The following PCDHA11 variants were observed in gnomAD, a reference collection of about 807,000 sequenced individuals.
PCDHA11 encodes protocadherin alpha-11.
In PCDHA11, 61 loss-of-function variants were observed where a neutral mutation model predicts 70.3. The observed-to-expected ratio is 0.87, with a 90% CI of 0.71 to 1.07. PCDHA11 has a LOEUF of 1.07. PCDHA11 is among the 50% of genes least tolerant of loss of function. The pLI is 0.00. For synonymous variants in PCDHA11, 633 were observed against 555.1 expected (o/e 1.14, Z -1.97); for missense variants, 1,324 against 1,237.5 (o/e 1.07, Z -1.05).
At chr5:140,913,451 T>G (rs1201347326) in intron 1 of PCDHA11, among the ~76,000 whole-genome samples, 1 of 152,160 alleles carries the variant, frequency 6.6e-6, no homozygotes, top group East Asian at 1.9e-4. Context: ...CAGCTCCGAT[T>G]TTATTTACTT....
intron 1 of PCDHA11, chr5:140,883,596 T>C: frequency 1.2e-6 from 2 of 1,613,794 alleles, no homozygotes; most frequent in East Asian, 4.5e-5. Context: ...AGCGTGTCGG[T>C]GGGGGTGGCC....
At chr5:140,890,629 A>G (rs6883083) in intron 1 of PCDHA11, among the ~76,000 whole-genome samples, 2 of 152,158 alleles carry the variant, frequency 1.3e-5, no homozygotes, top group Admixed American at 1.3e-4. Context: ...AAAATTAAGC[A>G]TGTATCCTTG....
At chr5:140,966,730 C>T in intron 1 of PCDHA11, 1 of 1,405,456 alleles carries the variant, frequency 7.1e-7, no homozygotes, top group Non-Finnish European at 9.2e-7. Context: ...CTGCCGCCTC[C>T]GGCCCTGCCC....
intron 1 of PCDHA11, among the ~76,000 whole-genome samples, chr5:140,905,490 T>C (rs1256863992): frequency 1.3e-5 from 2 of 152,224 alleles, no homozygotes; most frequent in African/African-American, 4.8e-5. Context: ...TTTCTTCTTT[T>C]TGTTTTGTAT....
At position 140,869,933 on chromosome 5, in the gene PCDHA11, T is replaced by A; in HGVS notation, c.830T>A (p.Val277Glu). The A allele has an allele frequency of 6.2e-7, 1 of 1,611,316 alleles. No homozygotes were observed. The highest frequency in any genetic ancestry group is 8.5e-7 in the Non-Finnish European group (1 of 1,178,664). The change falls in exon 1 of 4, where the codon GTA becomes GAA. Residue 277 changes from valine to glutamate, a missense_variant. By Grantham distance (121) the Val-to-Glu change is moderately radical (BLOSUM62 -2). Transcript: ENST00000398640. ...CGAGACGAAGGAGTCAATGGAGAGG[T>A]AACATACTCCTTAATGTCAATTAAG... ...TDRDEGVNGE[V>E]TYSLMSIKPN...
intron 1 of PCDHA11, among the ~76,000 whole-genome samples, chr5:140,911,789 G>A (rs1399185754): frequency 6.6e-6 from 1 of 152,024 alleles, no homozygotes; most frequent in Non-Finnish European, 1.5e-5. Flanking sequence ...GCATTTTTGG[G>A]TCTAATCATA....
At chr5:140,988,860 T>C (rs1270376752) in intron 3 of PCDHA11, 2 of 152,204 alleles carry the variant, frequency 1.3e-5, no homozygotes, top group South Asian at 2.1e-4. Flanking sequence ...TCCAGTCTCA[T>C]GTGCACTCAG....
intron 1 of PCDHA11, among the ~76,000 whole-genome samples, chr5:140,950,294 C>T (rs1396440202): frequency 6.6e-6 from 1 of 151,970 alleles, no homozygotes; most frequent in African/African-American, 2.4e-5. Context: ...ACCTGAAAAA[C>T]TTTACTTAGC....
chr5:140,911,420 C>T (rs1411930717), intron 1 of PCDHA11, among the ~76,000 whole-genome samples: 1 of 152,134 alleles, frequency 6.6e-6, no homozygotes, highest in Non-Finnish European at 1.5e-5. Context: ...ATGATAAGAA[C>T]TTGTGTCCAA....
chr5:140,973,812 G>A (rs897592585), intron 1 of PCDHA11, among the ~76,000 whole-genome samples: 10 of 152,236 alleles, frequency 6.6e-5, no homozygotes, highest in Admixed American at 6.5e-4. Context: ...TGACAGAATA[G>A]CAAAGTCAGT....
chr5:140,943,274 A>AAAAG (rs1349019397), intron 1 of PCDHA11, among the ~76,000 whole-genome samples: 1 of 141,284 alleles, frequency 7.1e-6, no homozygotes, highest in Admixed American at 7.3e-5. Context: ...AAAAAAAAAA[A>AAAAG]AAAGAAAGAA....
At chr5:140,904,110 T>C (rs556511949) in intron 1 of PCDHA11, among the ~76,000 whole-genome samples, 2 of 152,218 alleles carry the variant, frequency 1.3e-5, no homozygotes, top group Non-Finnish European at 2.9e-5. Context: ...TGGTCATTGC[T>C]GAGATTTTGG....
At position 140,924,046 on chromosome 5, in the gene PCDHA11, C is replaced by T. The variant is rs59270862; in HGVS notation, c.2391+52552C>T. Among the ~76,000 whole-genome samples, 1,259 of 152,276 alleles carry T rather than the reference C, an allele frequency of 8.3e-3. 10 individuals are homozygous for T. The highest frequency in any genetic ancestry group is 0.029 in the African/African-American group (1,206 of 41,556). ...AGGCATGGCTGCAGACCTAAAAGTT[C>T]GGTACATCTTTACAGTTGTATTTCA... is the stretch of plus-strand genomic sequence containing the variant. On this transcript the variant is annotated intron_variant, in intron 1 of 3. Coordinates refer to ENST00000398640, the MANE Select transcript of PCDHA11 (RefSeq NM_018902.5).
intron 1 of PCDHA11, among the ~76,000 whole-genome samples, chr5:140,901,039 A>G (rs1317910770): frequency 4.6e-5 from 7 of 152,086 alleles, no homozygotes; most frequent in Non-Finnish European, 8.8e-5. Flanking sequence ...TCTTTTGCCC[A>G]TTTTAAAATT....
At chr5:140,924,477 T>C (rs1378646713) in intron 1 of PCDHA11, among the ~76,000 whole-genome samples, 1 of 152,230 alleles carries the variant, frequency 6.6e-6, no homozygotes, top group Admixed American at 6.5e-5. Context: ...AACTGGTTTT[T>C]AGTGGAACAC....
chr5:140,938,679 T>C (rs574212689), intron 1 of PCDHA11, among the ~76,000 whole-genome samples: 1 of 152,302 alleles, frequency 6.6e-6, no homozygotes, highest in South Asian at 2.1e-4. Flanking sequence ...CCTAACATTT[T>C]CTTTACAGTT....
At chr5:140,906,403 T>A (rs1583592944) in intron 1 of PCDHA11, among the ~76,000 whole-genome samples, 1 of 152,220 alleles carries the variant, frequency 6.6e-6, no homozygotes, top group East Asian at 1.9e-4. Context: ...AATTTTCATA[T>A]GAAGTCAATA....
At position 140,894,520 on chromosome 5, in the gene PCDHA11, C is replaced by T. The variant is rs377646516; in HGVS notation, c.2391+23026C>T. On this transcript the variant is annotated intron_variant, in intron 1 of 3. Coordinates refer to ENST00000398640, the MANE Select transcript of PCDHA11 (RefSeq NM_018902.5). ...AGGCATTATCCATAGTGTTTATATG[C>T]TGTTATGTGCCTTCTGGTTTAGTGT... is the stretch of plus-strand genomic sequence containing the variant. Among the ~76,000 whole-genome samples, 12 of 151,842 alleles carry T rather than the reference C, an allele frequency of 7.9e-5. No homozygotes were observed. In the East Asian group the frequency reaches 1.9e-3, roughly 24 times the overall value.
intron 1 of PCDHA11, chr5:140,884,763 CT>C (rs1206964755): frequency 1.9e-5 from 27 of 1,421,678 alleles, no homozygotes; most frequent in Non-Finnish European, 2.4e-5. Context: ...TTATTCTTTA[CT>C]TTAATTTTAA....
Sources: allele counts gnomAD v4.1 joint callset (sites outside exome capture counted in the v4.1 genomes callset), GRCh38; gene constraint gnomAD v4.1.1; transcripts MANE v1.5; gene names NCBI Gene and HGNC (gene_info 2026-07-23, HGNC 2026-07-21).